The following STAC variants were observed in gnomAD, a reference collection of about 807,000 sequenced individuals.
STAC encodes SH3 and cysteine rich domain.
Under a neutral mutation model 48.8 loss-of-function variants are expected in STAC, and 43 were observed. The observed-to-expected ratio is 0.88, with a 90% CI of 0.69 to 1.14. The LOEUF is 1.14. STAC is among the 50% of genes most tolerant of loss of function. The probability of loss-of-function intolerance (pLI) is 0.00; values close to 1 mark genes in which losing one functional copy is unlikely to be tolerated. For synonymous variants in STAC, 193 were observed against 179.5 expected, an observed-to-expected ratio of 1.07 and a Z score of -0.60; for missense variants, 497 against 504.0, an observed-to-expected ratio of 0.99 and a Z score of 0.13.
intron 2 of STAC, among the ~76,000 whole-genome samples, chr3:36,480,881 C>T (rs1405520573): frequency 4.6e-5 from 7 of 152,160 alleles, no homozygotes; most frequent in Admixed American, 2.6e-4. Context: ...GGCAAATTAA[C>T]AGACACAGTC....
At chr3:36,544,142 T>C (rs79980275) in intron 10 of STAC, among the ~76,000 whole-genome samples, 17,695 of 152,192 alleles carry the variant, frequency 0.12, 1,224 homozygotes, top group Non-Finnish European at 0.15. Flanking sequence ...ACACACTCCC[T>C]GCTCATCACT....
intron 6 of STAC, among the ~76,000 whole-genome samples, chr3:36,499,749 T>TA (rs1363732417): frequency 1.3e-5 from 2 of 151,346 alleles, no homozygotes; most frequent in Non-Finnish European, 2.9e-5. Context: ...GTAGAAAATT[T>TA]AAAAAAACAA....
chr3:36,466,435 A>T (rs1020089150), intron 2 of STAC, among the ~76,000 whole-genome samples: 2 of 152,094 alleles, frequency 1.3e-5, no homozygotes, highest in African/African-American at 4.8e-5. Flanking sequence ...TAGTTCTGTG[A>T]AGAATGGTGT....
intron 2 of STAC, among the ~76,000 whole-genome samples, chr3:36,453,033 A>G (rs192030656): frequency 2.8e-4 from 42 of 152,368 alleles, no homozygotes; most frequent in Middle Eastern, 3.4e-3. Flanking sequence ...AGGATATCTG[A>G]ACCCCATTTT....
chr3:36,470,795 C>T (rs563038318), intron 2 of STAC, among the ~76,000 whole-genome samples: 1 of 152,220 alleles, frequency 6.6e-6, no homozygotes, highest in African/African-American at 2.4e-5. Context: ...ATTTTAAATG[C>T]TATCAAAAAT....
Position 36,527,771 on chromosome 3 carries a change from C to T in STAC, c.921-925C>T, listed in dbSNP as rs370844709. On this transcript the variant is annotated intron_variant, in intron 8 of 10. Coordinates refer to ENST00000273183, the MANE Select transcript of STAC (RefSeq NM_003149.3). ...GCTGTGTTGAATAGAAAGAATTAAA[C>T]AACAAAAACACATTAGTCTTCAGCC... 3.3e-5 allele frequency among the ~76,000 whole-genome samples: 5 copies of T among 152,070 alleles called. No homozygotes were observed. In the East Asian group the frequency reaches 5.8e-4, roughly 18 times the overall value.
At chr3:36,413,576 G>A (rs1180995530) in intron 1 of STAC, among the ~76,000 whole-genome samples, 1 of 152,142 alleles carries the variant, frequency 6.6e-6, no homozygotes, top group Non-Finnish European at 1.5e-5. Flanking sequence ...GTCTCTGCAT[G>A]TGAGATGGGT....
At chr3:36,520,832 C>T (rs566571196) in intron 8 of STAC, among the ~76,000 whole-genome samples, 228 of 152,256 alleles carry the variant, frequency 1.5e-3, no homozygotes, top group Middle Eastern at 3.4e-3. Context: ...AGAGCGTGAT[C>T]CATGACAGTT....
chr3:36,448,098 C>G (rs1199484320), intron 2 of STAC, among the ~76,000 whole-genome samples: 1 of 152,100 alleles, frequency 6.6e-6, no homozygotes, highest in East Asian at 1.9e-4. Context: ...GCAAATAGTT[C>G]CTTTCTCTTC....
chr3:36,543,781 G>T (rs1463730410), intron 10 of STAC, among the ~76,000 whole-genome samples: 1 of 152,190 alleles, frequency 6.6e-6, no homozygotes, highest in African/African-American at 2.4e-5. Flanking sequence ...GAGTAATGGT[G>T]TAAGGCTCTT....
intron 6 of STAC, among the ~76,000 whole-genome samples, chr3:36,493,676 C>T (rs140247656): frequency 1.4e-3 from 208 of 152,096 alleles, no homozygotes; most frequent in Middle Eastern, 3.4e-3. Context: ...GAAGTGTGGG[C>T]CTCACATTTG....
intron 1 of STAC, among the ~76,000 whole-genome samples, chr3:36,383,453 TACC>T (rs1408599432): frequency 1.3e-5 from 2 of 152,058 alleles, no homozygotes; most frequent in Non-Finnish European, 2.9e-5. Flanking sequence ...TTTTATGTAT[TACC>T]ACCACCACCA....
At chr3:36,518,344 A>C (rs1698723085) in intron 8 of STAC, among the ~76,000 whole-genome samples, 1 of 152,270 alleles carries the variant, frequency 6.6e-6, no homozygotes, top group South Asian at 2.1e-4. Context: ...GACTTCCCAC[A>C]TCTAAATCAT....
intron 2 of STAC, among the ~76,000 whole-genome samples, chr3:36,475,940 C>T (rs1697481249): frequency 6.6e-6 from 1 of 152,176 alleles, no homozygotes; most frequent in Non-Finnish European, 1.5e-5. Context: ...GTTCTAGATG[C>T]AGTCACATTA....
At chr3:36,408,511 A>G (rs1700128341) in intron 1 of STAC, among the ~76,000 whole-genome samples, 1 of 152,212 alleles carries the variant, frequency 6.6e-6, no homozygotes, top group African/African-American at 2.4e-5. Flanking sequence ...CAGTCCAAAC[A>G]TCAAAGATGC....
intron 1 of STAC, among the ~76,000 whole-genome samples, chr3:36,438,832 G>A (rs1160787098): frequency 2.6e-5 from 4 of 152,200 alleles, no homozygotes; most frequent in African/African-American, 9.7e-5. Flanking sequence ...GATTGGATGT[G>A]TGTAAGCATC....
chr3:36,413,924 T>C (rs1255647126), intron 1 of STAC, among the ~76,000 whole-genome samples: 1 of 152,222 alleles, frequency 6.6e-6, no homozygotes, highest in Non-Finnish European at 1.5e-5. Context: ...TATTTCTTTT[T>C]CACTTATGAA....
At chr3:36,442,519 A>T (rs1696376440) in intron 1 of STAC, among the ~76,000 whole-genome samples, 1 of 152,160 alleles carries the variant, frequency 6.6e-6, no homozygotes, top group Non-Finnish European at 1.5e-5. Context: ...CTGTCATCAG[A>T]GTCCAGAATC....
At chr3:36,524,028 G>A (rs1008411778) in intron 8 of STAC, among the ~76,000 whole-genome samples, 1 of 152,172 alleles carries the variant, frequency 6.6e-6, no homozygotes, top group Non-Finnish European at 1.5e-5. Context: ...GATTATGTAT[G>A]GCAGGCTGTG....
Sources: allele counts gnomAD v4.1 joint callset (sites outside exome capture counted in the v4.1 genomes callset), GRCh38; gene constraint gnomAD v4.1.1; transcripts MANE v1.5; gene names NCBI Gene and HGNC (gene_info 2026-07-23, HGNC 2026-07-21).